The following NSDHL variants were observed in gnomAD, a reference collection of about 807,000 sequenced individuals.
NSDHL encodes NAD(P) dependent 3-beta-hydroxysteroid dehydrogenase NSDHL.
Under a neutral mutation model 23.0 loss-of-function variants are expected in NSDHL, and 1 was observed. The observed-to-expected ratio is 0.04, with a 90% CI of 0.02 to 0.21. NSDHL has a LOEUF of 0.21. Ranked by LOEUF, NSDHL falls within the 10% of genes least tolerant of loss-of-function variation. The pLI, the probability that NSDHL is intolerant of heterozygous loss-of-function variation, is 1.00. For synonymous variants in NSDHL, 128 were observed against 121.1 expected (o/e 1.06, Z -0.37); for missense variants, 237 against 300.9 (o/e 0.79, Z 1.57).
chrX:152,869,506 G>C lies in NSDHL; in HGVS notation c.*390G>C, dbSNP rs1010558224. The stretch of plus-strand genomic sequence containing the variant: ...TCTGATGGAGAACCATTTCCATGCA[G>C]ACCAATACTAGAGTGAAGCCTCTAG... On this transcript the variant is annotated 3_prime_UTR_variant, in exon 8 of 8. Transcript: ENST00000370274. The C allele has an allele frequency of 1.1e-4, 27 of 250,634 alleles. 2 individuals carry two copies. Among genetic ancestry groups the C allele is most frequent in the East Asian group, 4.8e-4 (5 of 10,320 alleles). 20.7% of individuals were successfully genotyped at this position (250,634 alleles called of 1,213,427 possible). A position where few individuals can be genotyped will look rare whatever the true frequency, so the allele number is the denominator to read the frequency against.
intron 5 of NSDHL, among the ~76,000 whole-genome samples, chrX:152,863,907 T>TG (rs1933565908): frequency 9.3e-6 from 1 of 107,448 alleles, no homozygotes; most frequent in African/African-American, 3.5e-5. Flanking sequence ...CTGTTTGCCG[T>TG]ATTTTTTTTT....
rs1933105593 is a variant in NSDHL at position 152,836,863 on chromosome X, G to A, written c.-44+5746G>A. ...AGAAAGTCATTGGTAGCTTGATGGT[G>A]ATGGCATTGAATCTATAAATTACCT... On this transcript the variant is annotated intron_variant, in intron 1 of 7. Coordinates refer to ENST00000370274, the MANE Select transcript of NSDHL (RefSeq NM_015922.3). Among the ~76,000 whole-genome samples, 3 of 112,168 alleles carry A rather than the reference G, an allele frequency of 2.7e-5. No homozygotes were observed. In the South Asian group the frequency reaches 1.1e-3, roughly 42 times the overall value.
At chrX:152,836,676 A>G (rs1250592322) in intron 1 of NSDHL, among the ~76,000 whole-genome samples, 1 of 112,142 alleles carries the variant, frequency 8.9e-6, no homozygotes, top group East Asian at 2.8e-4. Context: ...CTGTTTTGGT[A>G]CCAGTACCAT....
At chrX:152,838,993 G>A (rs1178829855) in intron 1 of NSDHL, among the ~76,000 whole-genome samples, 2 of 112,139 alleles carry the variant, frequency 1.8e-5, no homozygotes, top group African/African-American at 6.5e-5. Context: ...TGTATTAGGT[G>A]CATATATATT....
intron 1 of NSDHL, among the ~76,000 whole-genome samples, chrX:152,845,069 T>C (rs1244014964): frequency 8.9e-6 from 1 of 112,122 alleles, no homozygotes; most frequent in Non-Finnish European, 1.9e-5. Flanking sequence ...AGTCAAGTTT[T>C]GACATACAGT....
intron 5 of NSDHL, among the ~76,000 whole-genome samples, chrX:152,863,905 C>T (rs1299819164): frequency 9.2e-6 from 1 of 108,993 alleles, no homozygotes; most frequent in Non-Finnish European, 1.9e-5. Context: ...GGCTGTTTGC[C>T]GTATTTTTTT....
chrX:152,869,059 G>A lies in NSDHL; in HGVS notation c.1065G>A (p.Met355Ile). Residue 355 changes from methionine (M) to isoleucine (I), a missense_variant, in exon 8 of 8, where the codon ATG (methionine) becomes ATA (isoleucine). Physicochemically the swap from Met to Ile is conservative, Grantham distance 10. This residue lies in a region of NSDHL where 117 missense variants were observed against 99.5 expected (regional missense o/e 1.18). Coordinates refer to ENST00000370274, the MANE Select transcript of NSDHL (RefSeq NM_015922.3). Reference protein sequence around the residue: ...KAMGYQPLVTMDDAMERTVQS... With the variant: ...KAMGYQPLVTIDDAMERTVQS... The stretch of plus-strand genomic sequence containing the variant: ...TGGGCTACCAGCCACTAGTGACCAT[G>A]GATGATGCTATGGAGAGGACCGTGC... 2 of 1,212,262 alleles carry A rather than the reference G, an allele frequency of 1.6e-6. No homozygotes were observed. Among genetic ancestry groups the A allele is most frequent in the South Asian group, 1.8e-5 (1 of 57,029 alleles).
Position 152,858,858 on chromosome X carries a change from G to A in NSDHL, c.356G>A (p.Arg119Lys), listed in dbSNP as rs200930841. 613 of 1,203,375 alleles carry A rather than the reference G, an allele frequency of 5.1e-4. 1 individual carries two copies. Among genetic ancestry groups the A allele is most frequent in the Middle Eastern group, 5.1e-3 (22 of 4,342 alleles). ...AGTAACAACAAGGAGCTCTTTTATA[G>A]AGTGAATTACATTGGCACCAAGAAT... ...PSSNNKELFY[R>K]VNYIGTKNVI... The change falls in exon 4 of 8, where the codon AGA (arginine) becomes AAA (lysine). Residue 119 changes from arginine to lysine, a missense_variant. Around this residue, in one of 3 missense-constraint regions of NSDHL, gnomAD observed 81 missense variants for 103.3 expected, o/e 0.78. Transcript: ENST00000370274.
intron 3 of NSDHL, among the ~76,000 whole-genome samples, chrX:152,852,948 T>A (rs1296579095): frequency 9.1e-6 from 1 of 110,172 alleles, no homozygotes; most frequent in Non-Finnish European, 1.9e-5. Context: ...TCCTCCTGCC[T>A]CACTGATTGT....
chrX:152,865,974 A>G lies in NSDHL; in HGVS notation c.686+13A>G. On this transcript the variant is annotated intron_variant, in intron 6 of 7. Coordinates refer to ENST00000370274, the MANE Select transcript of NSDHL (RefSeq NM_015922.3). ...AGTTCGTGATTGGGTGAGTCAGCCC[A>G]CAGCGGCTCTTCCCTAGTCCTTCCT... 8.3e-7 allele frequency: 1 copy of G among 1,211,120 alleles called. No homozygotes were observed. The highest frequency in any genetic ancestry group is 1.1e-6 in the Non-Finnish European group (1 of 894,512).
At chrX:152,844,475 C>T (rs1315550927) in intron 1 of NSDHL, among the ~76,000 whole-genome samples, 3 of 112,507 alleles carry the variant, frequency 2.7e-5, no homozygotes, top group East Asian at 2.8e-4. Flanking sequence ...CCCAGGCACA[C>T]GCCCCTCAGA....
At position 152,843,186 on chromosome X, in the gene NSDHL, T is replaced by C. The variant is rs915142847; in HGVS notation, c.-43-3096T>C. Among the ~76,000 whole-genome samples, 14 of 112,366 alleles carry C rather than the reference T, an allele frequency of 1.2e-4. No homozygotes were observed. In the Admixed American group the frequency reaches 1.3e-3, roughly 11 times the overall value. On this transcript the variant is annotated intron_variant, in intron 1 of 7. Coordinates refer to ENST00000370274, the MANE Select transcript of NSDHL (RefSeq NM_015922.3). ...CGTTGGGGTGAGACATGTTTCTTCT[T>C]TGACCTCCTACATCCTCCTCTAGCA...
At chrX:152,857,638 T>C (rs972924782) in intron 3 of NSDHL, among the ~76,000 whole-genome samples, 12 of 112,103 alleles carry the variant, frequency 1.1e-4, no homozygotes, top group Admixed American at 3.8e-4. Context: ...AATTGGATCC[T>C]GGACCCCAAA....
At chrX:152,831,228 A>C in intron 1 of NSDHL, 111 bp downstream of exon 1, 1 of 297,053 alleles carries the variant, frequency 3.4e-6, no homozygotes, top group Non-Finnish European at 5.9e-6. Flanking sequence ...GGGTTGACCT[A>C]AGGCTGAGTT....
intron 1 of NSDHL, among the ~76,000 whole-genome samples, chrX:152,840,334 T>G (rs1933170575): frequency 8.9e-6 from 1 of 112,454 alleles, no homozygotes; most frequent in African/African-American, 3.2e-5. Context: ...TCCATCCAGC[T>G]TTGTTCTGTT....
chrX:152,846,316 T>C lies in NSDHL; in HGVS notation c.-9T>C. On this transcript the variant is annotated 5_prime_UTR_variant, in exon 2 of 8. Coordinates refer to ENST00000370274, the MANE Select transcript of NSDHL (RefSeq NM_015922.3). ...GTTGATTACAAACGGGACCATATTT[T>C]GCTTCGAAATGGAACCAGCAGTTAG... 1 of 1,183,581 alleles carries C rather than the reference T, an allele frequency of 8.4e-7. No individual in the cohort carries two copies. The highest frequency in any genetic ancestry group is 1.8e-5 in the South Asian group (1 of 56,396).
At chrX:152,843,099 T>C (rs1933219489) in intron 1 of NSDHL, among the ~76,000 whole-genome samples, 1 of 112,144 alleles carries the variant, frequency 8.9e-6, no homozygotes, top group Non-Finnish European at 1.9e-5. Flanking sequence ...AAAGGAGATT[T>C]TGTTTTGACA....
intron 3 of NSDHL, among the ~76,000 whole-genome samples, chrX:152,852,604 A>G (rs1170629180): frequency 9.0e-6 from 1 of 111,474 alleles, no homozygotes; most frequent in Non-Finnish European, 1.9e-5. Context: ...TGTACTTCAC[A>G]TTGTAACCCC....
chrX:152,834,107 G>C (rs1399741127), intron 1 of NSDHL, among the ~76,000 whole-genome samples: 1 of 112,151 alleles, frequency 8.9e-6, no homozygotes, highest in African/African-American at 3.2e-5. Flanking sequence ...GCCTCCAGGG[G>C]CTCGTGGTGT....
Sources: gnomAD v4.1 joint callset for allele counts (sites outside exome capture counted in the v4.1 genomes callset) on GRCh38, gnomAD v4.1.1 for gene constraint, gnomAD v4.1.1 regional missense constraint, MANE v1.5 for transcripts, NCBI Gene and HGNC (gene_info 2026-07-23, HGNC 2026-07-21) for gene names.